Variants in BAIAP2L1 observed in about 807,000 individuals in gnomAD.
BAIAP2L1 encodes the protein BAR/IMD domain-containing adapter protein 2-like 1.
A neutral mutation model predicts 66.3 loss-of-function variants in BAIAP2L1; 35 were observed. The observed-to-expected ratio is 0.53, with a 90% confidence interval of 0.40 to 0.70. The LOEUF is 0.70. Ranked by LOEUF, BAIAP2L1 falls within the 30% of genes least tolerant of loss-of-function variation. The probability of loss-of-function intolerance (pLI) is 0.00; values close to 1 mark genes in which losing one functional copy is unlikely to be tolerated. For missense variants in BAIAP2L1, 622 were observed against 656.9 expected (o/e 0.95, Z 0.58); for synonymous variants, 269 against 248.7 (o/e 1.08, Z -0.77).
intron 1 of BAIAP2L1, among the ~76,000 whole-genome samples, chr7:98,367,993 C>T (rs183556214): frequency 5.9e-5 from 9 of 152,156 alleles, no homozygotes; most frequent in Middle Eastern, 3.4e-3. Flanking sequence ...AAGTAAAATA[C>T]GGAACTGTTC....
chr7:98,314,448 A>C (rs1800996069), intron 7 of BAIAP2L1, among the ~76,000 whole-genome samples: 2 of 152,240 alleles, frequency 1.3e-5, no homozygotes, highest in African/African-American at 4.8e-5. Flanking sequence ...TATGAACAAC[A>C]ATGAATTTCT....
At chr7:98,295,138 C>A (rs1306836632) in intron 12 of BAIAP2L1, among the ~76,000 whole-genome samples, 2 of 152,240 alleles carry the variant, frequency 1.3e-5, no homozygotes, top group African/African-American at 4.8e-5. Flanking sequence ...GGGAGGCCCT[C>A]TCATGCCCGA....
At chr7:98,397,032 C>T (rs1244445806) in intron 1 of BAIAP2L1, among the ~76,000 whole-genome samples, 1 of 152,070 alleles carries the variant, frequency 6.6e-6, no homozygotes, top group Non-Finnish European at 1.5e-5. Context: ...AGCTCATTGC[C>T]TTGTAGAGCT....
At chr7:98,360,291 T>A (rs1446955546) in intron 2 of BAIAP2L1, among the ~76,000 whole-genome samples, 3 of 151,338 alleles carry the variant, frequency 2.0e-5, no homozygotes, top group African/African-American at 7.3e-5. Flanking sequence ...TATCCTCCTG[T>A]CTCAGACTCC....
intron 3 of BAIAP2L1, among the ~76,000 whole-genome samples, chr7:98,338,234 C>CATCCTGGCTAAA (rs1418727471): frequency 5.3e-5 from 8 of 152,080 alleles, no homozygotes; most frequent in Non-Finnish European, 8.8e-5. Context: ...AGATCGAGAC[C>CATCCTGGCTAAA]ACGGTGAAAA....
At position 98,378,312 on chromosome 7, in the gene BAIAP2L1, A is replaced by G. The variant is rs112406984; in HGVS notation, c.52-15880T>C. On this transcript the variant is annotated intron_variant, in intron 1 of 13. Coordinates refer to ENST00000005260, the MANE Select transcript of BAIAP2L1 (RefSeq NM_018842.5). ...TTTAGCCTCAGTTCTCGTGTCCATCATAAGTGAATGTCATCAGTGACTTCT... is the reference window on the plus strand; with the variant it reads ...TTTAGCCTCAGTTCTCGTGTCCATCGTAAGTGAATGTCATCAGTGACTTCT... Among the ~76,000 whole-genome samples, 399 of 152,336 alleles carry G rather than the reference A, an allele frequency of 2.6e-3. 2 individuals carry two copies. The highest frequency in any genetic ancestry group is 9.1e-3 in the African/African-American group (377 of 41,586).
rs1340241619 is a variant in BAIAP2L1 at position 98,359,294 on chromosome 7, G to C, written c.127+3063C>G. On this transcript the variant is annotated intron_variant, in intron 2 of 13. Coordinates refer to ENST00000005260, the MANE Select transcript of BAIAP2L1 (RefSeq NM_018842.5). ...CTGTCTTTTTTTTTTTTTTTTTTGAGACAGAGTCTTGCTCTGTCACTAGGC... is the reference window on the plus strand; with the variant it reads ...CTGTCTTTTTTTTTTTTTTTTTTGACACAGAGTCTTGCTCTGTCACTAGGC... Among the ~76,000 whole-genome samples the C allele has an allele frequency of 3.5e-5, 5 of 141,916 alleles. No individual in the cohort carries two copies. In the East Asian group the frequency reaches 1.0e-3, roughly 29 times the overall value. 93.1% of individuals were successfully genotyped at this position (141,916 alleles called of 152,430 possible). A position where few individuals can be genotyped will look rare whatever the true frequency, so the allele number is the denominator to read the frequency against.
chr7:98,372,086 GC>G (rs1171224154), intron 1 of BAIAP2L1, among the ~76,000 whole-genome samples: 1 of 151,750 alleles, frequency 6.6e-6, no homozygotes, highest in Non-Finnish European at 1.5e-5. Context: ...GAGCCATCGC[GC>G]CCGGCCCTCT....
Position 98,307,680 on chromosome 7 carries a change from C to T in BAIAP2L1, c.1163+9G>A. The T allele has an allele frequency of 6.2e-7, 1 of 1,613,552 alleles. No individual in the cohort carries two copies. The highest frequency in any genetic ancestry group is 1.3e-5 in the African/African-American group (1 of 75,052). ...GGTGCCCTGCGGGGACCATCACGCC[C>T]AGACTTACGCCTTGGACACGTCGTG... On this transcript the variant is annotated intron_variant, in intron 10 of 13. Coordinates refer to ENST00000005260, the MANE Select transcript of BAIAP2L1 (RefSeq NM_018842.5).
chr7:98,397,590 G>C (rs371351494), intron 1 of BAIAP2L1, among the ~76,000 whole-genome samples: 1 of 152,134 alleles, frequency 6.6e-6, no homozygotes, highest in Non-Finnish European at 1.5e-5. Flanking sequence ...GCCTCCCAAA[G>C]TGCTGGGATT....
intron 12 of BAIAP2L1, among the ~76,000 whole-genome samples, chr7:98,296,779 T>C (rs1053227657): frequency 6.6e-6 from 1 of 152,218 alleles, no homozygotes; most frequent in Non-Finnish European, 1.5e-5. Context: ...CAGGAGCCTC[T>C]CTGCCTCCCT....
chr7:98,323,809 C>T (rs1801310919), intron 3 of BAIAP2L1, among the ~76,000 whole-genome samples: 1 of 152,222 alleles, frequency 6.6e-6, no homozygotes, highest in South Asian at 2.1e-4. Context: ...TCAGCGGTCA[C>T]AGAAAGGATT....
At chr7:98,359,925 A>AT (rs34672324) in intron 2 of BAIAP2L1, among the ~76,000 whole-genome samples, 53,116 of 141,034 alleles carry the variant, frequency 0.38, 11,255 homozygotes, top group Middle Eastern at 0.55. Context: ...TGCCCAGCTA[A>AT]TTTTTTTTTT....
chr7:98,313,404 G>A (rs1800950179), intron 7 of BAIAP2L1, among the ~76,000 whole-genome samples: 1 of 152,088 alleles, frequency 6.6e-6, no homozygotes, highest in African/African-American at 2.4e-5. Flanking sequence ...CTGAAAAGGT[G>A]CTAGGCTGCC....
rs144708847 is a variant in BAIAP2L1, at chr7:98,373,608, T to C, written c.52-11176A>G. ...TTCCTGTCTACAATGGGAATCATGA[T>C]ACTTTCTAGCTCATGAGGGGCATGA... On this transcript the variant is annotated intron_variant, in intron 1 of 13. Transcript: ENST00000005260. 4.3e-3 allele frequency among the ~76,000 whole-genome samples: 660 copies of C among 152,324 alleles called. 1 individual carries two copies. Among genetic ancestry groups the C allele is most frequent in the African/African-American group, 0.015 (626 of 41,586 alleles).
rs141550349 is a variant in BAIAP2L1 at position 98,392,112 on chromosome 7, C to T, written c.51+8690G>A. On this transcript the variant is annotated intron_variant, in intron 1 of 13. Coordinates refer to ENST00000005260, the MANE Select transcript of BAIAP2L1 (RefSeq NM_018842.5). ...GTTACTTGGGAGGCTGAGGTAGGAT[C>T]ACTGGAGCCCAGGAGTTCTAGGTCA... Among the ~76,000 whole-genome samples the T allele has an allele frequency of 3.0e-3, 453 of 149,040 alleles. 1 individual carries two copies. The highest frequency in any genetic ancestry group is 0.014 in the Middle Eastern group (4 of 286).
At chr7:98,301,690 T>A (rs931694207) in intron 12 of BAIAP2L1, among the ~76,000 whole-genome samples, 2 of 151,954 alleles carry the variant, frequency 1.3e-5, no homozygotes, top group Admixed American at 1.3e-4. Flanking sequence ...CACGCGCGTC[T>A]GTGTGTGTGG....
intron 1 of BAIAP2L1, 27 bp from the exon 2 acceptor site, chr7:98,362,459 T>A (rs745818256): frequency 6.3e-7 from 1 of 1,576,856 alleles, no homozygotes; most frequent in Non-Finnish European, 8.6e-7. Flanking sequence ...ACACACAAAT[T>A]AATAAAATAA....
At chr7:98,307,455 C>T in intron 10 of BAIAP2L1, 2 of 1,394,128 alleles carry the variant, frequency 1.4e-6, no homozygotes, top group Non-Finnish European at 1.9e-6. Flanking sequence ...TACTTTCAGA[C>T]AGGTGACTTC....
Sources: gnomAD v4.1 joint callset for allele counts (sites outside exome capture counted in the v4.1 genomes callset) on GRCh38, gnomAD v4.1.1 for gene constraint, MANE v1.5 for transcripts, NCBI Gene and HGNC (gene_info 2026-07-23, HGNC 2026-07-21) for gene names.